Variants in CFAP20DC observed in about 807,000 individuals in gnomAD.
CFAP20DC encodes the protein protein CFAP20DC.
A neutral mutation model predicts 101.7 loss-of-function variants in CFAP20DC; 84 were observed. The ratio of observed to expected loss-of-function variants is 0.83; its 90% CI spans 0.69 to 0.99. The LOEUF (loss-of-function observed/expected upper bound fraction) is 0.99, where lower values mean the gene tolerates loss of function less well. Among genes scored for constraint, CFAP20DC ranks in the 50% least tolerant of loss-of-function variants. The pLI, the probability that CFAP20DC is intolerant of heterozygous loss-of-function variation, is 0.00. For synonymous variants in CFAP20DC, 359 were observed against 351.2 expected (o/e 1.02, Z -0.25); for missense variants, 1,007 against 970.3 (o/e 1.04, Z -0.50).
rs2078009580 is a variant in CFAP20DC at position 58,849,270 on chromosome 3, C to T, written c.1733G>A (p.Gly578Glu). The T allele has an allele frequency of 6.5e-7, 1 of 1,536,070 alleles. No individual in the cohort carries two copies. Among genetic ancestry groups the T allele is most frequent in the South Asian group, 1.2e-5 (1 of 84,028 alleles). ...EYLRSAYTEA[G>E]ATESQDSSME... is the part of the protein sequence containing the mutation. ...CGAGGAATCCTGGCTTTCTGTTGCTCCTGCTTCTGTGTAGGCGCTCCTTAG... is the reference window on the plus strand; with the variant it reads ...CGAGGAATCCTGGCTTTCTGTTGCTTCTGCTTCTGTGTAGGCGCTCCTTAG... The change falls in exon 13 of 17, where the codon GGA becomes GAA. Residue 578 changes from glycine (G) to glutamate (E), a missense_variant. Transcript: ENST00000482387.
chr3:58,808,005 G>T (rs936977725), intron 14 of CFAP20DC, among the ~76,000 whole-genome samples: 1 of 152,134 alleles, frequency 6.6e-6, no homozygotes, highest in African/African-American at 2.4e-5. Context: ...GAGATGGGAA[G>T]TTTAGAGAAA....
In CFAP20DC at chr3:58,868,394, A is replaced by T. The variant is rs3849526; in HGVS notation, c.1016-458T>A. On this transcript the variant is annotated intron_variant, in intron 9 of 16. Coordinates refer to ENST00000482387, the MANE Select transcript of CFAP20DC (RefSeq NM_001394063.1). This position sits in a 1 kb window ranked among gnomAD's most constrained non-coding sequence, Gnocchi z 4.6. ...AGAACTTCTAAGTACGATTTAATTT[A>T]GCAATAATAATAATCATAGCAGCAT... Among the ~76,000 whole-genome samples the T allele has an allele frequency of 0.17, 25,620 of 152,132 alleles. 4,422 individuals carry two copies. Among genetic ancestry groups the T allele is most frequent in the African/African-American group, 0.43 (17,656 of 41,458 alleles).
rs72881648 is a variant in CFAP20DC at position 58,874,401 on chromosome 3, T to C, written c.716-4092A>G. Reference sequence around the variant, plus strand: ...CAGCCAGAGAGGTTTTATACAAACATAAATCTAATTGAGTCATTTCCTTTC... The same window carrying C: ...CAGCCAGAGAGGTTTTATACAAACACAAATCTAATTGAGTCATTTCCTTTC... On this transcript the variant is annotated intron_variant, in intron 7 of 16. Coordinates refer to ENST00000482387, the MANE Select transcript of CFAP20DC (RefSeq NM_001394063.1). This position sits in a 1 kb window ranked among gnomAD's most constrained non-coding sequence, Gnocchi z 5.1. Among the ~76,000 whole-genome samples, 6,506 of 152,274 alleles carry C rather than the reference T, an allele frequency of 0.043. 459 individuals are homozygous for C. The highest frequency in any genetic ancestry group is 0.15 in the African/African-American group (6,162 of 41,518).
intron 4 of CFAP20DC, among the ~76,000 whole-genome samples, chr3:58,970,076 C>T (rs190552832): frequency 8.2e-4 from 124 of 152,098 alleles, no homozygotes; most frequent in Admixed American, 1.7e-3. Context: ...GATGATGAGA[C>T]TTTGGGTAAA....
intron 4 of CFAP20DC, among the ~76,000 whole-genome samples, chr3:59,038,994 A>G (rs1398363343): frequency 6.6e-6 from 1 of 152,126 alleles, no homozygotes; most frequent in African/African-American, 2.4e-5. Flanking sequence ...ATGCAAGCGT[A>G]CCAATCAAAT....
At position 58,899,508 on chromosome 3, in the gene CFAP20DC, C is replaced by A. The variant is rs2082959567; in HGVS notation, c.550+14200G>T. On this transcript the variant is annotated intron_variant, in intron 6 of 16. Coordinates refer to ENST00000482387, the MANE Select transcript of CFAP20DC (RefSeq NM_001394063.1). The surrounding 1 kb of genome is among the most constrained non-coding windows in gnomAD (Gnocchi z 5.0). ...TGGATCTCCCACCTTGCTGAGAATC[C>A]TGGGGGTGGAGTATGCAAAACTCCT... 6.6e-6 allele frequency among the ~76,000 whole-genome samples: 1 copy of A among 152,164 alleles called. No individual in the cohort carries two copies. The highest frequency in any genetic ancestry group is 6.5e-5 in the Admixed American group (1 of 15,276).
At position 58,867,862 on chromosome 3, in the gene CFAP20DC, A is replaced by T; in HGVS notation, c.1090T>A (p.Leu364Ile). The T allele has an allele frequency of 1.5e-5, 24 of 1,613,620 alleles. No individual in the cohort carries two copies. The highest frequency in any genetic ancestry group is 2.0e-5 in the Non-Finnish European group (24 of 1,179,662). The change falls in exon 10 of 17, where the codon TTA becomes ATA. Residue 364 changes from leucine to isoleucine, a missense_variant. By Grantham distance (5) the Leu-to-Ile change is conservative. Transcript: ENST00000482387. ...SADKNNNRRR[L>I]RLKSTSRERT... ...TCTCTGCTGGTACTTTTTAACCGTA[A>T]TCTTCTTCTGTTATTATTCTTATCT...
At chr3:58,821,569 GA>G (rs2075647459) in intron 14 of CFAP20DC, among the ~76,000 whole-genome samples, 2 of 149,936 alleles carry the variant, frequency 1.3e-5, no homozygotes, top group Admixed American at 1.3e-4. Context: ...GGCCATCAGA[GA>G]AATGCAAATC....
intron 6 of CFAP20DC, among the ~76,000 whole-genome samples, chr3:58,885,675 C>CT (rs1158184417): frequency 6.6e-6 from 1 of 150,968 alleles, no homozygotes; most frequent in East Asian, 1.9e-4. Flanking sequence ...AAGAGATCAA[C>CT]TTTTTAAAGC....
intron 6 of CFAP20DC, among the ~76,000 whole-genome samples, chr3:58,891,226 CG>C (rs1307116559): frequency 2.1e-5 from 3 of 145,950 alleles, no homozygotes; most frequent in Admixed American, 6.7e-5. Flanking sequence ...GGCTGGAGAC[CG>C]GCCCGGCCAA....
At chr3:58,749,079 T>C (rs2068393881) in intron 16 of CFAP20DC, among the ~76,000 whole-genome samples, 1 of 152,214 alleles carries the variant, frequency 6.6e-6, no homozygotes, top group Non-Finnish European at 1.5e-5. Flanking sequence ...AAAAGTCTCC[T>C]TTGCATCTGA....
At chr3:58,952,880 ATCT>A (rs1432679834) in intron 4 of CFAP20DC, among the ~76,000 whole-genome samples, 1 of 152,148 alleles carries the variant, frequency 6.6e-6, no homozygotes, top group African/African-American at 2.4e-5. Context: ...ATATTGGCTC[ATCT>A]TCTTATTGAG....
At chr3:58,765,471 CA>C (rs1288496269) in intron 15 of CFAP20DC, among the ~76,000 whole-genome samples, 102 of 27,760 alleles carry the variant, frequency 3.7e-3, no homozygotes, top group Non-Finnish European at 5.6e-3. Flanking sequence ...ACATTCTAGC[CA>C]AAAAAAAAAA....
chr3:58,842,241 C>A (rs1184988631), intron 13 of CFAP20DC, among the ~76,000 whole-genome samples: 3 of 152,140 alleles, frequency 2.0e-5, no homozygotes, highest in Non-Finnish European at 4.4e-5. Context: ...TTCTGCATTT[C>A]CATCTGAGGT....
At chr3:58,772,134 C>T (rs369703588) in intron 15 of CFAP20DC, among the ~76,000 whole-genome samples, 195 of 152,164 alleles carry the variant, frequency 1.3e-3, no homozygotes, top group African/African-American at 4.4e-3. Flanking sequence ...TCTGTGAGAG[C>T]GAGGATCTTA....
At chr3:58,765,490 C>CAAAAAAAAAAAAAAAAAAAAAAACAAA (rs1337049385) in intron 15 of CFAP20DC, among the ~76,000 whole-genome samples, 1 of 81,826 alleles carries the variant, frequency 1.2e-5, no homozygotes, top group Non-Finnish European at 2.5e-5. Context: ...AAAAAAAAAC[C>CAAAAAAAAAAAAAAAAAAAAAAACAAA]AAAAAAAAAA....
intron 4 of CFAP20DC, among the ~76,000 whole-genome samples, chr3:58,939,986 A>G (rs1018044296): frequency 2.0e-5 from 3 of 152,122 alleles, no homozygotes; most frequent in African/African-American, 7.2e-5. Context: ...AAGCTGGTCT[A>G]GAACTACTGA....
At chr3:58,887,056 TAA>T (rs2081701398) in intron 6 of CFAP20DC, among the ~76,000 whole-genome samples, 1 of 152,240 alleles carries the variant, frequency 6.6e-6, no homozygotes, top group Non-Finnish European at 1.5e-5. Context: ...CCTAATGTCC[TAA>T]TCTGAAAAAG....
At chr3:58,946,847 C>A (rs542618714) in intron 4 of CFAP20DC, among the ~76,000 whole-genome samples, 2 of 152,298 alleles carry the variant, frequency 1.3e-5, no homozygotes, top group Admixed American at 6.5e-5. Context: ...GAGGATGGGA[C>A]ATGGAAGAGC....
Sources: allele counts gnomAD v4.1 joint callset (sites outside exome capture counted in the v4.1 genomes callset), GRCh38; gene constraint gnomAD v4.1.1; non-coding constraint Gnocchi (gnomAD v3.1); transcripts MANE v1.5; gene names NCBI Gene and HGNC (gene_info 2026-07-23, HGNC 2026-07-21).